The following NUP133 variants were observed in gnomAD, a reference collection of about 807,000 sequenced individuals.
The protein encoded by NUP133 is nucleoporin 133.
A neutral mutation model predicts 146.2 loss-of-function variants in NUP133; 66 were observed. The observed-to-expected ratio is 0.45, with a 90% CI of 0.37 to 0.55. The LOEUF (loss-of-function observed/expected upper bound fraction) is 0.55, where lower values mean the gene tolerates loss of function less well. Among genes scored for constraint, NUP133 ranks in the 20% least tolerant of loss-of-function variants. The probability of loss-of-function intolerance (pLI) is 0.00; values close to 1 mark genes in which losing one functional copy is unlikely to be tolerated. For synonymous variants in NUP133, 521 were observed against 498.8 expected (o/e 1.04, Z -0.59); for missense variants, 1,277 against 1,374.8 (o/e 0.93, Z 1.12).
intron 22 of NUP133, 96 bp downstream of exon 22, chr1:229,452,429 C>T: frequency 1.0e-5 from 9 of 857,356 alleles, no homozygotes; most frequent in Non-Finnish European, 1.5e-5. Context: ...GGCAGTAGAA[C>T]AATAACTCCT....
At chr1:229,450,421 G>A (rs1162550084) in intron 23 of NUP133, 104 bp downstream of exon 23, 7 of 572,610 alleles carry the variant, frequency 1.2e-5, no homozygotes, top group Admixed American at 3.4e-5. Flanking sequence ...CACAGATACA[G>A]TCTTTTTTGC....
chr1:229,500,766 T>C lies in NUP133; in HGVS notation c.503A>G (p.His168Arg), dbSNP rs1471131724. The change falls in exon 4 of 26, where the codon CAT becomes CGT. Residue 168 changes from histidine (H) to arginine (R), a missense_variant. His to Arg is a conservative substitution (Grantham distance 29, BLOSUM62 0). Coordinates refer to ENST00000261396, the MANE Select transcript of NUP133 (RefSeq NM_018230.3). ...TTTTAAGTCACCTACCTGAGTAGAATGTGCTTCACCTGAGGGAGAAGAGTA... is the reference window on the plus strand; with the variant it reads ...TTTTAAGTCACCTACCTGAGTAGAACGTGCTTCACCTGAGGGAGAAGAGTA... ...LSYSSPSGEA[H>R]STQAVAVMVA... 14 of 1,607,706 alleles carry C rather than the reference T, an allele frequency of 8.7e-6. No individual in the cohort carries two copies. Among genetic ancestry groups the C allele is most frequent in the Non-Finnish European group, 1.1e-5 (13 of 1,175,202 alleles).
intron 11 of NUP133, among the ~76,000 whole-genome samples, chr1:229,486,123 T>A (rs1006416046): frequency 6.6e-6 from 1 of 152,058 alleles, no homozygotes; most frequent in African/African-American, 2.4e-5. Context: ...GCTATGATTA[T>A]GCCACTGCAC....
intron 11 of NUP133, among the ~76,000 whole-genome samples, chr1:229,486,155 A>G (rs1224680525): frequency 6.6e-6 from 1 of 152,082 alleles, no homozygotes; most frequent in African/African-American, 2.4e-5. Context: ...CAACAGAGTG[A>G]GACTCTGTCT....
intron 1 of NUP133, 155 bp downstream of exon 1, chr1:229,507,913 T>C (rs531687631): frequency 6.1e-6 from 6 of 985,396 alleles, no homozygotes; most frequent in South Asian, 9.4e-5. Flanking sequence ...ACGAAGCAGA[T>C]ACTACCTGCA....
intron 12 of NUP133, among the ~76,000 whole-genome samples, chr1:229,478,696 T>TTC (rs1230507415): frequency 6.6e-6 from 1 of 152,130 alleles, no homozygotes; most frequent in Non-Finnish European, 1.5e-5. Flanking sequence ...GGGGATTAAC[T>TTC]ATGGCACACA....
chr1:229,471,860 A>T (rs914980496), intron 14 of NUP133, among the ~76,000 whole-genome samples: 1 of 152,100 alleles, frequency 6.6e-6, no homozygotes, highest in African/African-American at 2.4e-5. Context: ...CCTTGTTTTG[A>T]TAGTATCTTA....
chr1:229,481,647 C>G (rs547689475), intron 12 of NUP133, among the ~76,000 whole-genome samples: 4 of 147,840 alleles, frequency 2.7e-5, no homozygotes, highest in Non-Finnish European at 4.5e-5. Context: ...TGCAGTGAGC[C>G]GAGATCACAC....
intron 21 of NUP133, among the ~76,000 whole-genome samples, chr1:229,455,396 C>CA (rs1660538065): frequency 1.3e-5 from 2 of 151,896 alleles, no homozygotes; most frequent in African/African-American, 2.4e-5. Flanking sequence ...CCCATCTCTA[C>CA]AAAAAAATAC....
chr1:229,444,856 C>T lies in NUP133; in HGVS notation c.3334+58G>A, dbSNP rs529504790. On this transcript the variant is annotated intron_variant, in intron 25 of 25. Transcript: ENST00000261396. ...AGCAAGACTCCGTCTCAAAAAAAAA[C>T]CCAAAAAACTGAGGAATGACACTGT... 4.3e-5 allele frequency: 51 copies of T among 1,198,938 alleles called. No individual in the cohort carries two copies. The African/African-American group carries it at 7.5e-4, about 18-fold the overall frequency. 74.3% of individuals were successfully genotyped at this position (1,198,938 alleles called of 1,614,324 possible).
intron 8 of NUP133, among the ~76,000 whole-genome samples, chr1:229,491,899 G>C (rs1325685124): frequency 6.6e-6 from 1 of 152,192 alleles, no homozygotes; most frequent in African/African-American, 2.4e-5. Context: ...GGGCAACCCT[G>C]TCTCTAATGT....
At chr1:229,466,333 A>C (rs35085232) in intron 16 of NUP133, among the ~76,000 whole-genome samples, 42,231 of 135,214 alleles carry the variant, frequency 0.31, 7,582 homozygotes, top group African/African-American at 0.53. Flanking sequence ...ACCTTCTCTC[A>C]GAAAAAAAAC....
chr1:229,486,253 TTGGGGCTGCAA>T (rs1661342690), intron 11 of NUP133, 107 bp downstream of exon 11: 10 of 858,354 alleles, frequency 1.2e-5, no homozygotes, highest in Non-Finnish European at 5.0e-6. Context: ...GGCCAGGAGT[TTGGGGCTGCAA>T]TGAACTACGA....
At chr1:229,476,121 GA>G (rs370573103) in intron 13 of NUP133, among the ~76,000 whole-genome samples, 1,696 of 126,278 alleles carry the variant, frequency 0.013, 11 homozygotes, top group Middle Eastern at 0.021. Flanking sequence ...AAAGAAAAGG[GA>G]AAAAAAAAAA....
At chr1:229,473,112 C>A (rs1381974573) in intron 14 of NUP133, among the ~76,000 whole-genome samples, 1 of 151,828 alleles carries the variant, frequency 6.6e-6, no homozygotes, top group African/African-American at 2.4e-5. Context: ...ATTAGCCGGG[C>A]GTGGTAGTGA....
rs758364157 is a variant in NUP133 at position 229,464,747 on chromosome 1, C to A, written c.2428G>T (p.Asp810Tyr). ...GAAACATAACCATCCAGGAAGCAAT[C>A]GATCAGGGCTACCAGCTGCTCGGTC... ...IVTEQLVALI[D>Y]CFLDGYVSQL... is the part of the protein sequence containing the mutation. Residue 810 changes from aspartate to tyrosine, a missense_variant, in exon 18 of 26, where the codon GAT becomes TAT. Around this residue, in one of 3 missense-constraint regions of NUP133, gnomAD observed 952 missense variants for 1,047.0 expected, o/e 0.91. Coordinates refer to ENST00000261396, the MANE Select transcript of NUP133 (RefSeq NM_018230.3). 1.2e-6 allele frequency: 2 copies of A among 1,614,144 alleles called. No homozygotes were observed. The highest frequency in any genetic ancestry group is 2.2e-5 in the East Asian group (1 of 44,892).
rs913327088 is a variant in NUP133, at chr1:229,441,761, A to G, written c.*143T>C. The stretch of plus-strand genomic sequence containing the variant: ...AAAATCACAGTTACATAACTATTTT[A>G]TATTAGCTTCCTACATATAAAGTAT... On this transcript the variant is annotated 3_prime_UTR_variant, in exon 26 of 26. Transcript: ENST00000261396. The G allele has an allele frequency of 8.9e-6, 6 of 672,534 alleles. No homozygotes were observed. The African/African-American group carries it at 9.2e-5, about 10-fold the overall frequency. 41.7% of individuals were successfully genotyped at this position (672,534 alleles called of 1,614,324 possible).
Position 229,506,128 on chromosome 1 carries a change from G to A in NUP133, c.213C>T (p.His71=), listed in dbSNP as rs1661929296. ...CATAGTTCACAGACTCAGTTATGGA[G>A]TGGTGTGGGAACATTCGTGTTGGTG... ...RGTPTRMFPH[H]SITESVNYDV... is the part of the protein sequence containing the mutation. Residue 71 remains histidine, a synonymous_variant, in exon 2 of 26, where the codon CAC becomes CAT. Transcript: ENST00000261396. 6.8e-6 allele frequency: 11 copies of A among 1,612,618 alleles called. No individual in the cohort carries two copies. Among genetic ancestry groups the A allele is most frequent in the African/African-American group, 1.3e-5 (1 of 75,002 alleles).
chr1:229,467,609 T>G (rs192306778), intron 15 of NUP133, among the ~76,000 whole-genome samples: 1 of 152,292 alleles, frequency 6.6e-6, no homozygotes, highest in East Asian at 1.9e-4. Flanking sequence ...GTAAGAATAT[T>G]TTACATTGTT....
Sources: gnomAD v4.1 joint callset for allele counts (sites outside exome capture counted in the v4.1 genomes callset) on GRCh38, gnomAD v4.1.1 for gene constraint, gnomAD v4.1.1 regional missense constraint, MANE v1.5 for transcripts, NCBI Gene and HGNC (gene_info 2026-07-23, HGNC 2026-07-21) for gene names.